DAB2IP: variants seen among roughly 807,000 people sequenced by gnomAD.
The protein encoded by DAB2IP is disabled homolog 2-interacting protein.
In DAB2IP, 28 loss-of-function variants were observed where a neutral mutation model predicts 107.2. The observed-to-expected ratio is 0.26, with a 90% CI of 0.19 to 0.36. The LOEUF (loss-of-function observed/expected upper bound fraction) is 0.36, where lower values mean the gene tolerates loss of function less well. DAB2IP is among the 10% of genes least tolerant of loss of function. The pLI, the probability that DAB2IP is intolerant of heterozygous loss-of-function variation, is 1.00. For synonymous variants in DAB2IP, 755 were observed against 706.4 expected (o/e 1.07, Z -1.09); for missense variants, 1,400 against 1,644.7 (o/e 0.85, Z 2.57).
chr9:121,776,479 C>G lies in DAB2IP; in HGVS notation c.3314+88C>G, dbSNP rs1835209032. 2 of 1,360,624 alleles carry G rather than the reference C, an allele frequency of 1.5e-6. No homozygotes were observed. The highest frequency in any genetic ancestry group is 1.5e-5 in the South Asian group (1 of 65,874). 84.3% of individuals were successfully genotyped at this position (1,360,624 alleles called of 1,614,324 possible). ...AGGAGGCCCCTGGTCGGGGAGCCTC[C>G]TCAAAGGATAAGCTGAATGTGGAGA... On this transcript the variant is annotated intron_variant, in intron 14 of 15. Transcript: ENST00000408936. This position sits in a 1 kb window ranked among gnomAD's most constrained non-coding sequence, Gnocchi z 5.4.
chr9:121,713,584 T>C (rs527796546), intron 3 of DAB2IP, among the ~76,000 whole-genome samples: 1 of 152,198 alleles, frequency 6.6e-6, no homozygotes, highest in African/African-American at 2.4e-5. Context: ...CCAGTAGTGG[T>C]GGTGCAGGGG....
intron 2 of DAB2IP, among the ~76,000 whole-genome samples, chr9:121,697,786 CAG>C (rs1445239545): frequency 1.3e-5 from 2 of 152,052 alleles, no homozygotes; most frequent in Non-Finnish European, 2.9e-5. Context: ...CAGGTGGCCA[CAG>C]GGGTATGTCT....
chr9:121,667,747 C>A (rs1244233166), intron 1 of DAB2IP, among the ~76,000 whole-genome samples: 1 of 151,712 alleles, frequency 6.6e-6, no homozygotes, highest in African/African-American at 2.4e-5. Context: ...ATCTGCCCAC[C>A]TCGGCCTCCC....
In DAB2IP at chr9:121,772,826, C is replaced by G; in HGVS notation, c.2298C>G (p.Gly766=). The G allele has an allele frequency of 6.2e-7, 1 of 1,604,584 alleles. No individual in the cohort carries two copies. The highest frequency in any genetic ancestry group is 8.5e-7 in the Non-Finnish European group (1 of 1,177,122). The change falls in exon 12 of 16, where the codon GGC becomes GGG. Residue 766 remains glycine, a synonymous_variant. Transcript: ENST00000408936. The surrounding 1 kb of genome is among the most constrained non-coding windows in gnomAD (Gnocchi z 4.7). Reference sequence around the variant, plus strand: ...ATGGGGAGGCAGGCTCCCCGGCGGGCCCCGACGTCCTCCCCACAGATGGGC... The same window carrying G: ...ATGGGGAGGCAGGCTCCCCGGCGGGGCCCGACGTCCTCCCCACAGATGGGC...
chr9:121,776,505 G>C lies in DAB2IP; in HGVS notation c.3314+114G>C. On this transcript the variant is annotated intron_variant, in intron 14 of 15. Transcript: ENST00000408936. This position sits in a 1 kb window ranked among gnomAD's most constrained non-coding sequence, Gnocchi z 5.4. ...TCAAAGGATAAGCTGAATGTGGAGA[G>C]AGGAGGGAAGAGAGTGTCTGGGCAG... 1 of 1,198,588 alleles carries C rather than the reference G, an allele frequency of 8.3e-7. No individual in the cohort carries two copies. Among genetic ancestry groups the C allele is most frequent in the African/African-American group, 1.5e-5 (1 of 64,904 alleles). 74.2% of individuals were successfully genotyped at this position (1,198,588 alleles called of 1,614,324 possible).
intron 1 of DAB2IP, among the ~76,000 whole-genome samples, chr9:121,601,028 C>T (rs1830670780): frequency 6.6e-6 from 1 of 152,162 alleles, no homozygotes; most frequent in Non-Finnish European, 1.5e-5. Context: ...GAGAAAAGTG[C>T]ACAGATGCAC....
chr9:121,571,025 A>G (rs2789885), intron 1 of DAB2IP, among the ~76,000 whole-genome samples: 149,047 of 152,026 alleles, frequency 0.98, 73,145 homozygotes, highest in East Asian at 1. Context: ...TCCCGCCATC[A>G]GATCTGACCT....
intron 1 of DAB2IP, among the ~76,000 whole-genome samples, chr9:121,591,949 G>A (rs1830428977): frequency 6.6e-6 from 1 of 152,196 alleles, no homozygotes; most frequent in Non-Finnish European, 1.5e-5. Context: ...TAAGATGGAA[G>A]GGAACAGAAG....
intron 1 of DAB2IP, among the ~76,000 whole-genome samples, chr9:121,594,320 C>T (rs936764331): frequency 3.3e-5 from 5 of 151,522 alleles, no homozygotes; most frequent in Non-Finnish European, 7.4e-5. Flanking sequence ...TCACTGCAAC[C>T]TTCACTTCCC....
intron 1 of DAB2IP, among the ~76,000 whole-genome samples, chr9:121,623,435 C>T (rs1831541770): frequency 6.6e-6 from 1 of 152,196 alleles, no homozygotes. Context: ...GGTATGTTCA[C>T]TGCTCACTGC....
intron 1 of DAB2IP, among the ~76,000 whole-genome samples, chr9:121,600,318 G>C (rs1303291166): frequency 1.3e-5 from 2 of 152,208 alleles, no homozygotes; most frequent in African/African-American, 2.4e-5. Context: ...GATTGGCAGG[G>C]CTGGGTCGTT....
intron 2 of DAB2IP, among the ~76,000 whole-genome samples, chr9:121,694,988 C>T (rs559035026): frequency 5.3e-5 from 8 of 152,264 alleles, no homozygotes; most frequent in South Asian, 4.1e-4. Flanking sequence ...GAGGGAGCCG[C>T]GGGTCCCTGC....
rs548051265 is a variant in DAB2IP at position 121,731,138 on chromosome 9, T to A, written c.363-25875T>A. On this transcript the variant is annotated intron_variant, in intron 3 of 15. Coordinates refer to ENST00000408936, the Ensembl canonical transcript of DAB2IP. ...TGGGCCTACAGCCTGTTATATATAT[T>A]TTTTTGTTTGGTCCTAATATTTGTG... is the stretch of plus-strand genomic sequence containing the variant. Among the ~76,000 whole-genome samples the A allele has an allele frequency of 6.6e-5, 10 of 152,284 alleles. 1 individual carries two copies. Among genetic ancestry groups the A allele is most frequent in the South Asian group, 2.1e-4 (1 of 4,826 alleles).
chr9:121,746,770 A>G (rs575577068), intron 3 of DAB2IP, among the ~76,000 whole-genome samples: 10 of 152,334 alleles, frequency 6.6e-5, no homozygotes, highest in Admixed American at 3.3e-4. Flanking sequence ...CTCGCTTTTC[A>G]GCTAATTTAT....
chr9:121,627,019 G>A (rs941343557), intron 1 of DAB2IP, among the ~76,000 whole-genome samples: 1 of 151,390 alleles, frequency 6.6e-6, no homozygotes, highest in Non-Finnish European at 1.5e-5. Context: ...ACCAAAATCT[G>A]CTTCTTAGTC....
At chr9:121,765,931 G>A (rs1834248030) in intron 8 of DAB2IP, among the ~76,000 whole-genome samples, 1 of 152,202 alleles carries the variant, frequency 6.6e-6, no homozygotes, top group Non-Finnish European at 1.5e-5. Flanking sequence ...TTCAGGGGTA[G>A]TCCCATCTTC....
At chr9:121,615,843 C>T (rs1179409982) in intron 1 of DAB2IP, among the ~76,000 whole-genome samples, 1 of 152,072 alleles carries the variant, frequency 6.6e-6, no homozygotes, top group Non-Finnish European at 1.5e-5. Flanking sequence ...CCAGGCTGGT[C>T]TCGAACTCCT....
intron 3 of DAB2IP, among the ~76,000 whole-genome samples, chr9:121,704,938 T>G (rs1829980477): frequency 6.6e-6 from 1 of 152,212 alleles, no homozygotes; most frequent in Non-Finnish European, 1.5e-5. Context: ...AGCATTGTAC[T>G]TGAGCCCCAT....
At chr9:121,644,616 AAG>A (rs562172021) in intron 1 of DAB2IP, among the ~76,000 whole-genome samples, 9 of 152,226 alleles carry the variant, frequency 5.9e-5, no homozygotes, top group Non-Finnish European at 1.3e-4. Context: ...AAAATAAAAA[AAG>A]AGAGAGAGAG....
Sources: allele counts gnomAD v4.1 joint callset (sites outside exome capture counted in the v4.1 genomes callset), GRCh38; gene constraint gnomAD v4.1.1; non-coding constraint Gnocchi (gnomAD v3.1); transcripts MANE v1.5; gene names NCBI Gene and HGNC (gene_info 2026-07-23, HGNC 2026-07-21).